Variants in SMARCAD1 observed in about 807,000 individuals in gnomAD.
SMARCAD1 encodes the protein SNF2 related chromatin remodeling ATPase with DExD box 1.
SMARCAD1 carries 25 observed loss-of-function variants against 127.1 expected under a neutral mutation model. The observed-to-expected ratio is 0.20, with a 90% CI of 0.14 to 0.27. SMARCAD1 has a LOEUF of 0.27. SMARCAD1 is among the 10% of genes least tolerant of loss of function. The probability of loss-of-function intolerance (pLI) is 1.00; values close to 1 mark genes in which losing one functional copy is unlikely to be tolerated. For synonymous variants in SMARCAD1, 400 were observed against 396.9 expected (o/e 1.01, Z -0.09); for missense variants, 807 against 1,206.0 (o/e 0.67, Z 4.90).
chr4:94,267,100 C>T (rs1350892089), intron 10 of SMARCAD1, among the ~76,000 whole-genome samples: 2 of 152,058 alleles, frequency 1.3e-5, no homozygotes, highest in Non-Finnish European at 2.9e-5. Context: ...CTCACATGTT[C>T]AGAATACAAT....
chr4:94,233,584 ATTTC>A (rs756243533), intron 3 of SMARCAD1, among the ~76,000 whole-genome samples: 2 of 152,138 alleles, frequency 1.3e-5, no homozygotes, highest in Non-Finnish European at 1.5e-5. Context: ...AATCTTCATA[ATTTC>A]TTAGGAGTAG....
intron 10 of SMARCAD1, 22 bp from the exon 11 acceptor site, chr4:94,270,706 T>G (rs544148419): frequency 1.3e-6 from 2 of 1,587,498 alleles, no homozygotes; most frequent in African/African-American, 2.7e-5. Context: ...TGTGTAATAT[T>G]TGGTAACTCT....
At chr4:94,214,007 T>G (rs1432193239) in intron 2 of SMARCAD1, among the ~76,000 whole-genome samples, 1 of 152,150 alleles carries the variant, frequency 6.6e-6, no homozygotes, top group Non-Finnish European at 1.5e-5. Context: ...AATGATAGTG[T>G]CCTGGATACC....
chr4:94,249,962 T>C (rs1749034644), intron 7 of SMARCAD1, among the ~76,000 whole-genome samples: 1 of 152,018 alleles, frequency 6.6e-6, no homozygotes, highest in Non-Finnish European at 1.5e-5. Context: ...CTATACTGTA[T>C]CCCTAAGTCA....
intron 2 of SMARCAD1, among the ~76,000 whole-genome samples, chr4:94,224,553 A>T (rs1223845998): frequency 6.6e-6 from 1 of 152,124 alleles, no homozygotes; most frequent in Non-Finnish European, 1.5e-5. Flanking sequence ...CCACTCTTGG[A>T]GTCATGTCAG....
chr4:94,239,635 C>T (rs988633177), intron 5 of SMARCAD1, among the ~76,000 whole-genome samples: 4 of 150,048 alleles, frequency 2.7e-5, no homozygotes, highest in South Asian at 2.1e-4. Flanking sequence ...TGCAGTGGTG[C>T]GGTCTCAGCT....
At chr4:94,267,722 G>T (rs1751943369) in intron 10 of SMARCAD1, among the ~76,000 whole-genome samples, 1 of 151,874 alleles carries the variant, frequency 6.6e-6, no homozygotes, top group African/African-American at 2.4e-5. Context: ...CTTAGTGAGA[G>T]ATAAAAAATC....
At chr4:94,273,418 G>A (rs1752828401) in intron 11 of SMARCAD1, among the ~76,000 whole-genome samples, 199 bp from the exon 12 acceptor site, 1 of 152,162 alleles carries the variant, frequency 6.6e-6, no homozygotes, top group South Asian at 2.1e-4. Context: ...GCTCAGTAAA[G>A]TAAGTTATAG....
intron 14 of SMARCAD1, among the ~76,000 whole-genome samples, chr4:94,275,317 C>G (rs1203545752): frequency 6.6e-6 from 1 of 151,996 alleles, no homozygotes; most frequent in Non-Finnish European, 1.5e-5. Flanking sequence ...GTAATAAATA[C>G]AATGAAATTT....
At chr4:94,241,995 G>A (rs533548752) in intron 6 of SMARCAD1, among the ~76,000 whole-genome samples, 23 of 152,002 alleles carry the variant, frequency 1.5e-4, no homozygotes, top group African/African-American at 4.1e-4. Context: ...CACAAACACC[G>A]TTATCCTTCT....
At chr4:94,255,132 T>G (rs1350935707) in intron 9 of SMARCAD1, among the ~76,000 whole-genome samples, 26 of 152,048 alleles carry the variant, frequency 1.7e-4, no homozygotes, top group Admixed American at 1.6e-3. Context: ...TGAGAATTAG[T>G]TGAGGTTTTA....
In SMARCAD1 at chr4:94,286,904, G is replaced by A. The variant is rs1348468526; in HGVS notation, c.3019+1835G>A. On this transcript the variant is annotated intron_variant, in intron 23 of 23. Coordinates refer to ENST00000354268, the MANE Select transcript of SMARCAD1 (RefSeq NM_020159.5). ...ACTTTTTTCAGAGTCTTGCTCTGTC[G>A]CCCAGACTGGAGTGCAGAGGCGCAA... 4.0e-5 allele frequency among the ~76,000 whole-genome samples: 6 copies of A among 151,834 alleles called. No individual in the cohort carries two copies. The East Asian group carries it at 7.8e-4, about 20-fold the overall frequency.
chr4:94,209,610 A>G (rs1741871297), intron 2 of SMARCAD1, among the ~76,000 whole-genome samples: 1 of 152,176 alleles, frequency 6.6e-6, no homozygotes, highest in Admixed American at 6.5e-5. Flanking sequence ...TAAATGTAAT[A>G]ATGATGGCAG....
Position 94,208,420 on chromosome 4 carries a change from T to C in SMARCAD1, c.26T>C (p.Phe9Ser). The C allele has an allele frequency of 6.2e-7, 1 of 1,614,176 alleles. No individual in the cohort carries two copies. The highest frequency in any genetic ancestry group is 8.5e-7 in the Non-Finnish European group (1 of 1,180,052). The change falls in exon 2 of 24, where the codon TTT becomes TCT. Residue 9 changes from phenylalanine to serine, a missense_variant. Physicochemically the swap from Phe to Ser is radical, Grantham distance 155. Coordinates refer to ENST00000354268, the MANE Select transcript of SMARCAD1 (RefSeq NM_020159.5). Reference protein sequence around the residue: MNLFNLDRFRFEKRNKIEE... With the variant: MNLFNLDRSRFEKRNKIEE... The stretch of plus-strand genomic sequence containing the variant: ...ATGAATCTTTTCAACCTGGACCGTT[T>C]TCGCTTTGAGAAAAGGAATAAGATT...
At chr4:94,264,131 C>CGT (rs1751403521) in intron 9 of SMARCAD1, among the ~76,000 whole-genome samples, 1 of 151,582 alleles carries the variant, frequency 6.6e-6, no homozygotes, top group African/African-American at 2.4e-5. Flanking sequence ...GATATCTCTC[C>CGT]GTGTGATAGT....
chr4:94,275,791 A>ATTT (rs1753174031), intron 14 of SMARCAD1, among the ~76,000 whole-genome samples: 3 of 61,536 alleles, frequency 4.9e-5, no homozygotes, highest in African/African-American at 1.4e-4. Context: ...TAACATTAAC[A>ATTT]TTTTCTTTTT....
intron 6 of SMARCAD1, among the ~76,000 whole-genome samples, chr4:94,242,109 C>T (rs993358575): frequency 3.3e-5 from 5 of 152,068 alleles, no homozygotes; most frequent in Non-Finnish European, 5.9e-5. Context: ...TCTTGGCTCA[C>T]TGCAACCTCC....
At position 94,290,938 on chromosome 4, in the gene SMARCAD1, T is replaced by TTA. The variant is rs1285041329; in HGVS notation, c.*1404_*1405insTA. On this transcript the variant is annotated 3_prime_UTR_variant, in exon 24 of 24. Coordinates refer to ENST00000354268, the MANE Select transcript of SMARCAD1 (RefSeq NM_020159.5). ...AAAACTCTTACAGTGATTATTTAGATATTAAAGACTGAGAACTCACGGCTT... is the reference window on the plus strand; with the variant it reads ...AAAACTCTTACAGTGATTATTTAGATTAATTAAAGACTGAGAACTCACGGCTT... 1 of 453,650 alleles carries TTA rather than the reference T, an allele frequency of 2.2e-6. No homozygotes were observed. The highest frequency in any genetic ancestry group is 6.9e-5 in the East Asian group (1 of 14,390). The allele number at this position is 453,650 out of a possible 1,614,324, so 28.1% of individuals were successfully genotyped here. A position where few individuals can be genotyped will look rare whatever the true frequency, so the allele number is the denominator to read the frequency against.
intron 9 of SMARCAD1, among the ~76,000 whole-genome samples, chr4:94,254,931 G>A (rs1190616301): frequency 6.6e-6 from 1 of 151,894 alleles, no homozygotes; most frequent in Non-Finnish European, 1.5e-5. Flanking sequence ...CCCTACCCTA[G>A]AGCAGATTTA....
Sources: allele counts gnomAD v4.1 joint callset (sites outside exome capture counted in the v4.1 genomes callset), GRCh38; gene constraint gnomAD v4.1.1; transcripts MANE v1.5; gene names NCBI Gene and HGNC (gene_info 2026-07-23, HGNC 2026-07-21).